The following ANKRD30A variants were observed in gnomAD, a reference collection of about 807,000 sequenced individuals.
ANKRD30A encodes the protein ankyrin repeat domain 30A.
Under a neutral mutation model 166.3 loss-of-function variants are expected in ANKRD30A, and 170 were observed. The ratio of observed to expected loss-of-function variants is 1.02; its 90% CI spans 0.90 to 1.16. The LOEUF (loss-of-function observed/expected upper bound fraction) is 1.16, where lower values mean the gene tolerates loss of function less well. Among genes scored for constraint, ANKRD30A ranks in the 50% most tolerant of loss-of-function variants. The probability of loss-of-function intolerance (pLI) is 0.00; values close to 1 mark genes in which losing one functional copy is unlikely to be tolerated. For missense variants in ANKRD30A, 1,630 were observed against 1,518.0 expected (o/e 1.07, Z -1.23); for synonymous variants, 564 against 508.9 (o/e 1.11, Z -1.46).
the ANKRD30A span, among the ~76,000 whole-genome samples, chr10:37,238,658 G>C: frequency 1.2e-4 from 18 of 152,124 alleles, no homozygotes; most frequent in African/African-American, 4.1e-4. Context: ...CTATAAAGAA[G>C]TAATGTAATC....
intron 19 of ANKRD30A, among the ~76,000 whole-genome samples, chr10:37,167,678 T>G (rs1306210989): frequency 6.6e-6 from 1 of 151,900 alleles, no homozygotes; most frequent in Non-Finnish European, 1.5e-5. Context: ...TTAAGAGATA[T>G]TGAGATGACT....
chr10:37,206,358 A>T (rs1304360749), intron 31 of ANKRD30A, among the ~76,000 whole-genome samples: 1 of 151,798 alleles, frequency 6.6e-6, no homozygotes, highest in African/African-American at 2.4e-5. Flanking sequence ...AGATTTGGCG[A>T]CTCCCACAGT....
At chr10:37,194,614 G>A (rs569811700) in intron 27 of ANKRD30A, among the ~76,000 whole-genome samples, 1 of 152,096 alleles carries the variant, frequency 6.6e-6, no homozygotes, top group African/African-American at 2.4e-5. Flanking sequence ...CAAAGTACTG[G>A]AATTACAGGC....
chr10:37,234,767 G>A (rs1487120855), downstream of ANKRD30A, among the ~76,000 whole-genome samples: 1 of 152,088 alleles, frequency 6.6e-6, no homozygotes, highest in Admixed American at 6.6e-5. Context: ...TGTTCATTCA[G>A]TTTAGCAACT....
Position 37,219,328 on chromosome 10 carries a change from G to A in ANKRD30A, c.3616G>A (p.Val1206Ile), listed in dbSNP as rs141194244. The change falls in exon 34 of 36, where the codon GTA becomes ATA. Residue 1206 changes from valine to isoleucine, a missense_variant. Transcript: ENST00000361713. ...ESHHPRLASA[V>I]QDHDQIVTSR... ...ACACCATCCTAGACTGGCTTCTGCT[G>A]TACAAGACCATGATCAAATTGTGAC... 5.6e-5 allele frequency: 90 copies of A among 1,610,174 alleles called. No homozygotes were observed. The highest frequency in any genetic ancestry group is 7.1e-5 in the Non-Finnish European group (84 of 1,177,544).
At chr10:37,198,100 T>G (rs574461346) in intron 29 of ANKRD30A, among the ~76,000 whole-genome samples, 8 of 152,270 alleles carry the variant, frequency 5.3e-5, no homozygotes, top group Non-Finnish European at 1.2e-4. Context: ...TTCTGAAGTG[T>G]TTGGCTTTAG....
At chr10:37,149,701 T>C (rs1018399785) in intron 10 of ANKRD30A, 22 bp downstream of exon 10, 8 of 1,612,304 alleles carry the variant, frequency 5.0e-6, no homozygotes, top group Non-Finnish European at 6.8e-6. Flanking sequence ...TATTATTTCA[T>C]TTTGAATGAC....
At chr10:37,208,409 C>A (rs1329553885) in intron 31 of ANKRD30A, among the ~76,000 whole-genome samples, 1 of 152,218 alleles carries the variant, frequency 6.6e-6, no homozygotes, top group Non-Finnish European at 1.5e-5. Flanking sequence ...ACAGAGAGTT[C>A]CTACCGGTAA....
the ANKRD30A span, among the ~76,000 whole-genome samples, chr10:37,243,434 G>A: frequency 4.0e-5 from 6 of 151,794 alleles, no homozygotes; most frequent in East Asian, 1.9e-4. Context: ...GTGAGCTACC[G>A]TGCCCGGCGT....
downstream of ANKRD30A, among the ~76,000 whole-genome samples, chr10:37,234,358 C>T (rs1013225751): frequency 4.6e-5 from 7 of 152,212 alleles, no homozygotes; most frequent in Non-Finnish European, 1.0e-4. Flanking sequence ...AAAAATACAT[C>T]AGTCATTGGA....
the ANKRD30A span, among the ~76,000 whole-genome samples, chr10:37,264,323 T>C: frequency 6.6e-6 from 1 of 152,116 alleles, no homozygotes; most frequent in African/African-American, 2.4e-5. Context: ...TCAGAGTACT[T>C]TGGGGACACT....
chr10:37,135,614 C>T (rs940976993), intron 5 of ANKRD30A, among the ~76,000 whole-genome samples: 1 of 152,060 alleles, frequency 6.6e-6, no homozygotes, highest in Non-Finnish European at 1.5e-5. Flanking sequence ...TCTTCCACAG[C>T]AGCTGGAAAT....
At chr10:37,210,433 G>A (rs564273473) in intron 31 of ANKRD30A, among the ~76,000 whole-genome samples, 1 of 152,128 alleles carries the variant, frequency 6.6e-6, no homozygotes, top group Non-Finnish European at 1.5e-5. Flanking sequence ...ACCTATGTAT[G>A]CATGTGTCTT....
Position 37,162,770 on chromosome 10 carries a change from A to G in ANKRD30A, c.1930-6A>G, listed in dbSNP as rs1256565889. On this transcript the variant is annotated splice_polypyrimidine_tract_variant and splice_region_variant and intron_variant, in intron 16 of 35. Transcript: ENST00000361713. ...TATTAATCATTTTGCTTCCAACCCC[A>G]TTTAGCCTGCCACTGAAATGCAAAA... The G allele has an allele frequency of 1.2e-6, 2 of 1,613,616 alleles. No homozygotes were observed. The highest frequency in any genetic ancestry group is 8.5e-7 in the Non-Finnish European group (1 of 1,179,798).
intron 34 of ANKRD30A, among the ~76,000 whole-genome samples, chr10:37,222,113 A>G (rs951367455): frequency 2.0e-5 from 3 of 151,390 alleles, no homozygotes; most frequent in Non-Finnish European, 4.4e-5. Flanking sequence ...TTCACATATC[A>G]TATAGTTCAC....
the ANKRD30A span, among the ~76,000 whole-genome samples, chr10:37,259,765 T>C: frequency 6.6e-6 from 1 of 152,182 alleles, no homozygotes; most frequent in African/African-American, 2.4e-5. Flanking sequence ...TATGAATCCA[T>C]ATATGCAAGG....
rs776278640 is a variant in ANKRD30A, at chr10:37,132,296, AT to A, written c.572del (p.Leu191CysfsTer2). The part of the protein sequence containing the change: ...ITKRSEQIVE[F>X]LLIKNANANA... ...CGAAAAGAAGTGAGCAAATTGTGGA[AT>A]TTTTGCTGATAAAAAATGCAAATGC... On this transcript the variant is annotated frameshift_variant, in exon 4 of 36. Coordinates refer to ENST00000361713, the MANE Select transcript of ANKRD30A (RefSeq NM_052997.3). LOFTEE classifies it high-confidence loss of function. The A allele has an allele frequency of 1.9e-6, 3 of 1,606,554 alleles. No individual in the cohort carries two copies. Among genetic ancestry groups the A allele is most frequent in the East Asian group, 2.2e-5 (1 of 44,662 alleles).
At chr10:37,217,918 T>C (rs1435971364) in intron 33 of ANKRD30A, 40 bp downstream of exon 33, 1 of 1,380,110 alleles carries the variant, frequency 7.2e-7, no homozygotes, top group African/African-American at 1.5e-5. Flanking sequence ...TTTCTAACTT[T>C]ATTTCATCAA....
At chr10:37,157,666 C>T (rs555489566) in intron 13 of ANKRD30A, among the ~76,000 whole-genome samples, 143 of 152,242 alleles carry the variant, frequency 9.4e-4, no homozygotes, top group African/African-American at 3.2e-3. Context: ...AGCCACTGCA[C>T]CTGGCCTGTA....
Sources: allele counts gnomAD v4.1 joint callset (sites outside exome capture counted in the v4.1 genomes callset), GRCh38; gene constraint gnomAD v4.1.1; transcripts MANE v1.5; gene names NCBI Gene and HGNC (gene_info 2026-07-23, HGNC 2026-07-21).